Variants in KCNJ6 observed in about 807,000 individuals in gnomAD.
KCNJ6 encodes G protein-activated inward rectifier potassium channel 2.
Under a neutral mutation model 34.2 loss-of-function variants are expected in KCNJ6, and 9 were observed. The ratio of observed to expected loss-of-function variants is 0.26; its 90% CI spans 0.16 to 0.46. The LOEUF (loss-of-function observed/expected upper bound fraction) is 0.46, where lower values mean the gene tolerates loss of function less well. Ranked by LOEUF, KCNJ6 falls within the 20% of genes least tolerant of loss-of-function variation. The pLI is 1.00. For missense variants in KCNJ6, 236 were observed against 531.3 expected (o/e 0.44, Z 5.46); for synonymous variants, 196 against 207.1 (o/e 0.95, Z 0.46).
intron 1 of KCNJ6, among the ~76,000 whole-genome samples, chr21:37,864,452 T>C (rs2055611820): frequency 6.6e-6 from 1 of 152,148 alleles, no homozygotes; most frequent in Non-Finnish European, 1.5e-5. Context: ...TTTTAAAACA[T>C]TGGCATTCAG....
intron 2 of KCNJ6, among the ~76,000 whole-genome samples, chr21:37,816,368 G>C (rs1211876275): frequency 6.6e-6 from 1 of 152,226 alleles, no homozygotes; most frequent in African/African-American, 2.4e-5. Context: ...CTATGCTCTA[G>C]ATATTGCCTG....
intron 2 of KCNJ6, among the ~76,000 whole-genome samples, chr21:37,733,424 T>G (rs2123469910): frequency 6.6e-6 from 1 of 152,276 alleles, no homozygotes; most frequent in South Asian, 2.1e-4. Context: ...GCCTGGGTTT[T>G]GTGGAGGAGA....
chr21:37,815,931 A>G (rs1338912476), intron 2 of KCNJ6, among the ~76,000 whole-genome samples: 1 of 152,212 alleles, frequency 6.6e-6, no homozygotes, highest in African/African-American at 2.4e-5. Flanking sequence ...ACAAGCGCTA[A>G]GAGTGCATCT....
intron 2 of KCNJ6, among the ~76,000 whole-genome samples, chr21:37,784,280 G>A (rs914149647): frequency 5.3e-5 from 8 of 152,108 alleles, no homozygotes; most frequent in Admixed American, 2.6e-4. Flanking sequence ...CTCTACCCTG[G>A]AGCCATCTCT....
intron 1 of KCNJ6, among the ~76,000 whole-genome samples, chr21:37,887,245 T>C (rs1046883540): frequency 1.3e-5 from 2 of 152,206 alleles, no homozygotes; most frequent in Non-Finnish European, 2.9e-5. Flanking sequence ...CTCTGTTTTA[T>C]AGCCATACCT....
chr21:37,760,711 G>A (rs1464027012), intron 2 of KCNJ6, among the ~76,000 whole-genome samples: 1 of 152,164 alleles, frequency 6.6e-6, no homozygotes, highest in Non-Finnish European at 1.5e-5. Flanking sequence ...CCTATGTTTT[G>A]GGATGCAAGA....
chr21:37,898,332 A>G (rs944926005), intron 1 of KCNJ6, among the ~76,000 whole-genome samples: 3 of 152,218 alleles, frequency 2.0e-5, no homozygotes, highest in African/African-American at 7.2e-5. Flanking sequence ...AATTTCAAAA[A>G]TGCCAGTATT....
intron 2 of KCNJ6, among the ~76,000 whole-genome samples, chr21:37,829,590 T>C (rs1442981159): frequency 2.0e-5 from 3 of 152,120 alleles, no homozygotes; most frequent in Admixed American, 6.5e-5. Context: ...CCAGTGATGA[T>C]GGTGGCCGCC....
rs702859 is a variant in KCNJ6, at chr21:37,625,399, G to A, written c.1032C>T (p.Asp344=). 0.69 allele frequency: 1,107,163 copies of A among 1,613,624 alleles called. 382,389 individuals carry two copies. Among genetic ancestry groups the A allele is most frequent in the East Asian group, 0.89 (39,730 of 44,858 alleles). The change falls in exon 4 of 4, where the codon GAC becomes GAT. Residue 344 remains aspartate, a synonymous_variant. Transcript: ENST00000609713. ...TGTTGTAGTCAACTTCGTAGAACCC[G>A]TCCTCCAGGGTCAGGACAGGTGTGA... ...YRFTPVLTLE[D]GFYEVDYNSF...
chr21:37,652,256 G>A (rs1362528680), intron 3 of KCNJ6, among the ~76,000 whole-genome samples: 1 of 152,142 alleles, frequency 6.6e-6, no homozygotes, highest in African/African-American at 2.4e-5. Flanking sequence ...ACTGCTGGAT[G>A]GACAAAAGAA....
intron 1 of KCNJ6, among the ~76,000 whole-genome samples, chr21:37,881,372 A>G (rs946079585): frequency 6.6e-6 from 1 of 152,112 alleles, no homozygotes; most frequent in Non-Finnish European, 1.5e-5. Context: ...TCTAAGATGA[A>G]CTGTTGGCAG....
At chr21:37,758,920 C>T (rs1315793319) in intron 2 of KCNJ6, among the ~76,000 whole-genome samples, 8 of 152,298 alleles carry the variant, frequency 5.3e-5, no homozygotes, top group African/African-American at 1.7e-4. Flanking sequence ...TGTGCGCCAC[C>T]GTGCCTTCCC....
intron 1 of KCNJ6, among the ~76,000 whole-genome samples, chr21:37,872,744 G>A (rs995512696): frequency 6.6e-6 from 1 of 152,208 alleles, no homozygotes; most frequent in Non-Finnish European, 1.5e-5. Flanking sequence ...GTCCCCACCC[G>A]AATCTCATCT....
chr21:37,760,126 T>C (rs116330641), intron 2 of KCNJ6, among the ~76,000 whole-genome samples: 382 of 152,298 alleles, frequency 2.5e-3, no homozygotes, highest in African/African-American at 8.7e-3. Context: ...CAACATCAGA[T>C]GGAACCTACA....
chr21:37,607,569 A>T lies in KCNJ6; in HGVS notation c.*17590T>A. On this transcript the variant is annotated 3_prime_UTR_variant, in exon 4 of 4. Coordinates refer to ENST00000609713, the MANE Select transcript of KCNJ6 (RefSeq NM_002240.5). ...TTCGCATTGAGCATGCTTTCGTCTC[A>T]TTGTCCGTGCACAGACATACTTGGA... is the stretch of plus-strand genomic sequence containing the variant. 1 of 150,800 alleles carries T rather than the reference A, an allele frequency of 6.6e-6. No individual in the cohort carries two copies. The highest frequency in any genetic ancestry group is 2.0e-4 in the East Asian group (1 of 5,128). 9.3% of individuals were successfully genotyped at this position (150,800 alleles called of 1,614,324 possible). A position where few individuals can be genotyped will look rare whatever the true frequency, so the allele number is the denominator to read the frequency against.
At chr21:37,888,142 G>A (rs1467024423) in intron 1 of KCNJ6, among the ~76,000 whole-genome samples, 1 of 152,368 alleles carries the variant, frequency 6.6e-6, no homozygotes, top group Non-Finnish European at 1.5e-5. Context: ...TGGGGTTGAT[G>A]GGGATTGCAG....
At chr21:37,662,690 C>T (rs2054495470) in intron 3 of KCNJ6, among the ~76,000 whole-genome samples, 1 of 152,210 alleles carries the variant, frequency 6.6e-6, no homozygotes, top group East Asian at 1.9e-4. Context: ...GTCAGACTGT[C>T]TTCCACAATG....
chr21:37,739,631 T>C (rs1219819045), intron 2 of KCNJ6, among the ~76,000 whole-genome samples: 3 of 152,202 alleles, frequency 2.0e-5, no homozygotes, highest in Non-Finnish European at 4.4e-5. Flanking sequence ...GGTTCAATTG[T>C]TTTTCATTTT....
intron 1 of KCNJ6, among the ~76,000 whole-genome samples, chr21:37,853,358 A>T (rs963801031): frequency 1.1e-3 from 171 of 151,574 alleles, no homozygotes; most frequent in African/African-American, 4.0e-3. Flanking sequence ...TGTGGAGGTC[A>T]GAACAAAATA....
Sources: allele counts gnomAD v4.1 joint callset (sites outside exome capture counted in the v4.1 genomes callset), GRCh38; gene constraint gnomAD v4.1.1; transcripts MANE v1.5; gene names NCBI Gene and HGNC (gene_info 2026-07-23, HGNC 2026-07-21).